ARHGAP26: variants seen among roughly 807,000 people sequenced by gnomAD.
ARHGAP26 encodes the protein Rho GTPase activating protein 26, also known as rho GTPase-activating protein 26.
ARHGAP26 carries 38 observed loss-of-function variants against 104.8 expected under a neutral mutation model. The ratio of observed to expected loss-of-function variants is 0.36; its 90% CI spans 0.28 to 0.48. ARHGAP26 has a LOEUF of 0.48. Among genes scored for constraint, ARHGAP26 ranks in the 20% least tolerant of loss-of-function variants. ARHGAP26 has a pLI of 0.99. For missense variants in ARHGAP26, 704 were observed against 947.9 expected, an observed-to-expected ratio of 0.74 and a Z score of 3.38; for synonymous variants, 341 against 340.0, an observed-to-expected ratio of 1.00 and a Z score of -0.03.
At chr5:142,783,951 T>A (rs371437936) in intron 1 of ARHGAP26, among the ~76,000 whole-genome samples, 3 of 152,334 alleles carry the variant, frequency 2.0e-5, no homozygotes, top group Non-Finnish European at 4.4e-5. Context: ...ACACCACCCC[T>A]GCTGTGGACA....
chr5:143,143,398 C>G (rs1288930154), intron 19 of ARHGAP26, among the ~76,000 whole-genome samples: 1 of 152,140 alleles, frequency 6.6e-6, no homozygotes, highest in East Asian at 1.9e-4. Flanking sequence ...GCTTAGCTCC[C>G]AGATTTCCAT....
chr5:142,884,121 C>T (rs753489416), intron 4 of ARHGAP26, among the ~76,000 whole-genome samples: 9 of 152,186 alleles, frequency 5.9e-5, no homozygotes, highest in Non-Finnish European at 1.3e-4. Context: ...AATTTGATCC[C>T]GTTTATCAGC....
chr5:143,193,135 G>C (rs188899736), intron 20 of ARHGAP26, among the ~76,000 whole-genome samples: 20 of 152,086 alleles, frequency 1.3e-4, no homozygotes, highest in African/African-American at 4.6e-4. Context: ...CCCGGGACAG[G>C]AATCATCCCT....
chr5:143,044,296 C>T (rs960442748), intron 14 of ARHGAP26, among the ~76,000 whole-genome samples: 4 of 152,050 alleles, frequency 2.6e-5, no homozygotes, highest in African/African-American at 9.7e-5. Context: ...GATCCTTTGC[C>T]CCTTCCTTCT....
intron 5 of ARHGAP26, among the ~76,000 whole-genome samples, chr5:142,890,151 AATATATATATATATATATATATATAT>A (rs752591382): frequency 4.9e-4 from 16 of 32,432 alleles, no homozygotes; most frequent in East Asian, 1.4e-3. Context: ...AAAAAAAAAA[AATATATATATATATATATATATATAT>A]ATATATATAT....
chr5:143,003,772 C>T (rs566100266), intron 11 of ARHGAP26, among the ~76,000 whole-genome samples: 260 of 152,124 alleles, frequency 1.7e-3, no homozygotes, highest in African/African-American at 6.1e-3. Flanking sequence ...TGTTAATACT[C>T]TCATAAGTAT....
chr5:143,054,585 A>G, intron 15 of ARHGAP26, 59 bp downstream of exon 15: 1 of 1,302,434 alleles, frequency 7.7e-7, no homozygotes, highest in Non-Finnish European at 1.1e-6. Flanking sequence ...ATCAGGAAGA[A>G]AGCAGTTTTA....
chr5:143,191,483 G>C (rs2151255715), intron 20 of ARHGAP26, among the ~76,000 whole-genome samples: 2 of 152,302 alleles, frequency 1.3e-5, no homozygotes, highest in Admixed American at 1.3e-4. Context: ...TGAGCTGTGT[G>C]ACACTGAGAT....
intron 10 of ARHGAP26, among the ~76,000 whole-genome samples, chr5:142,930,620 G>A (rs1764578673): frequency 6.6e-6 from 1 of 151,784 alleles, no homozygotes; most frequent in Non-Finnish European, 1.5e-5. Context: ...TCTCTTGCTT[G>A]TTTTCTCACT....
intron 4 of ARHGAP26, among the ~76,000 whole-genome samples, chr5:142,881,765 A>G (rs1598062541): frequency 6.6e-6 from 1 of 152,240 alleles, no homozygotes; most frequent in South Asian, 2.1e-4. Context: ...AGCAGTCTCA[A>G]GAACATCTCA....
intron 1 of ARHGAP26, among the ~76,000 whole-genome samples, chr5:142,825,920 T>C (rs893525623): frequency 1.3e-5 from 2 of 152,132 alleles, no homozygotes; most frequent in African/African-American, 2.4e-5. Flanking sequence ...GGCTTGGGAA[T>C]TGTGGAATTC....
chr5:142,780,530 C>T (rs2151844209), intron 1 of ARHGAP26, among the ~76,000 whole-genome samples: 1 of 152,302 alleles, frequency 6.6e-6, no homozygotes, highest in East Asian at 1.9e-4. Flanking sequence ...GTAAATAAAA[C>T]AATACTTAGA....
intron 11 of ARHGAP26, among the ~76,000 whole-genome samples, chr5:142,945,769 ATAACACAG>A (rs1767014588): frequency 6.6e-6 from 1 of 152,364 alleles, no homozygotes; most frequent in African/African-American, 2.4e-5. Context: ...AGTGTCTTAC[ATAACACAG>A]TACAATGATC....
At chr5:142,980,352 CTTTATTTTATTTTATTTTATTTTAT>C (rs35267021) in intron 11 of ARHGAP26, among the ~76,000 whole-genome samples, 4 of 131,468 alleles carry the variant, frequency 3.0e-5, no homozygotes, top group African/African-American at 1.2e-4. Flanking sequence ...CTCTAGGAAC[CTTTATTTTATTTTATTTTATTTTAT>C]TTTATTTTAT....
chr5:143,097,017 G>T (rs762788217), intron 17 of ARHGAP26, among the ~76,000 whole-genome samples: 5 of 152,216 alleles, frequency 3.3e-5, no homozygotes, highest in Middle Eastern at 3.2e-3. Context: ...GGCCAAGGCA[G>T]ATGGATCACA....
chr5:143,109,285 A>G (rs1347528068), intron 17 of ARHGAP26, among the ~76,000 whole-genome samples: 2 of 152,222 alleles, frequency 1.3e-5, no homozygotes, highest in African/African-American at 4.8e-5. Flanking sequence ...CAACAACTGC[A>G]GAAACCTATG....
chr5:143,183,797 G>A (rs1361805599), intron 20 of ARHGAP26, among the ~76,000 whole-genome samples: 2 of 152,324 alleles, frequency 1.3e-5, no homozygotes, highest in East Asian at 1.9e-4. Flanking sequence ...TGGCTCCTCA[G>A]CAGTGTCTCT....
intron 11 of ARHGAP26, among the ~76,000 whole-genome samples, chr5:142,950,177 T>C (rs1768088366): frequency 6.6e-6 from 1 of 152,016 alleles, no homozygotes. Flanking sequence ...GTAGGGTGTG[T>C]GTGTCTGTGT....
intron 20 of ARHGAP26, among the ~76,000 whole-genome samples, chr5:143,161,293 T>C (rs1801212265): frequency 6.6e-6 from 1 of 152,174 alleles, no homozygotes; most frequent in South Asian, 2.1e-4. Context: ...ATTACAGGCA[T>C]GAGCCACTGC....
Sources: allele counts gnomAD v4.1 joint callset (sites outside exome capture counted in the v4.1 genomes callset), GRCh38; gene constraint gnomAD v4.1.1; transcripts MANE v1.5; gene names NCBI Gene and HGNC (gene_info 2026-07-23, HGNC 2026-07-21).